The following IQGAP2 variants were observed in gnomAD, a reference collection of about 807,000 sequenced individuals.
The protein encoded by IQGAP2 is ras GTPase-activating-like protein IQGAP2.
A neutral mutation model predicts 201.3 loss-of-function variants in IQGAP2; 173 were observed. That is an observed-to-expected ratio of 0.86 (90% CI 0.76 to 0.98). The LOEUF (loss-of-function observed/expected upper bound fraction) is 0.98. Ranked by LOEUF, IQGAP2 falls within the 50% of genes least tolerant of loss-of-function variation. IQGAP2 has a pLI of 0.00. For missense variants in IQGAP2, 1,687 were observed against 1,864.8 expected, an observed-to-expected ratio of 0.90 and a Z score of 1.76; for synonymous variants, 675 against 673.9, an observed-to-expected ratio of 1.00 and a Z score of -0.03.
chr5:76,515,397 A>T (rs945187000), intron 2 of IQGAP2, among the ~76,000 whole-genome samples: 3 of 152,208 alleles, frequency 2.0e-5, no homozygotes, highest in African/African-American at 7.2e-5. Flanking sequence ...GCTTAATTCC[A>T]GTAAAAGATT....
chr5:76,450,000 C>T (rs964529877), intron 1 of IQGAP2, among the ~76,000 whole-genome samples: 1 of 152,138 alleles, frequency 6.6e-6, no homozygotes, highest in South Asian at 2.1e-4. Context: ...ACCTGAAAAC[C>T]TTCATGTCTG....
intron 21 of IQGAP2, among the ~76,000 whole-genome samples, chr5:76,661,712 A>G (rs1342350530): frequency 1.3e-5 from 2 of 152,062 alleles, no homozygotes; most frequent in Admixed American, 6.6e-5. Context: ...TATTACACTC[A>G]CTCTACAGAT....
At chr5:76,487,678 T>TA (rs879623431) in intron 2 of IQGAP2, among the ~76,000 whole-genome samples, 19 of 152,266 alleles carry the variant, frequency 1.2e-4, no homozygotes, top group Admixed American at 3.3e-4. Flanking sequence ...TGCTTTTTTT[T>TA]ATGCAGCGAG....
intron 3 of IQGAP2, among the ~76,000 whole-genome samples, chr5:76,570,076 T>C (rs1745007468): frequency 6.6e-6 from 1 of 152,356 alleles, no homozygotes; most frequent in African/African-American, 2.4e-5. Context: ...TGTGGGATGG[T>C]TTTTGTTTTC....
chr5:76,604,976 C>T (rs1461788321), intron 11 of IQGAP2, among the ~76,000 whole-genome samples: 2 of 152,116 alleles, frequency 1.3e-5, no homozygotes, highest in Non-Finnish European at 2.9e-5. Context: ...TTCTTTTAAC[C>T]TCTGCCATTA....
At chr5:76,429,148 C>T (rs1041452282) in intron 1 of IQGAP2, among the ~76,000 whole-genome samples, 13 of 151,718 alleles carry the variant, frequency 8.6e-5, no homozygotes, top group African/African-American at 2.9e-4. Flanking sequence ...TGATTCCTTC[C>T]ATTGAGAAGT....
At chr5:76,700,363 C>T (rs1369851847) in intron 33 of IQGAP2, among the ~76,000 whole-genome samples, 1 of 152,086 alleles carries the variant, frequency 6.6e-6, no homozygotes, top group African/African-American at 2.4e-5. Flanking sequence ...AAAAATTCGC[C>T]GGATGTGGTG....
At chr5:76,550,678 A>G (rs1212203706) in intron 2 of IQGAP2, among the ~76,000 whole-genome samples, 1 of 152,242 alleles carries the variant, frequency 6.6e-6, no homozygotes, top group East Asian at 1.9e-4. Flanking sequence ...GGGTAGGGTC[A>G]CCGATCAACA....
chr5:76,540,453 G>A (rs1199945927), intron 2 of IQGAP2, among the ~76,000 whole-genome samples: 2 of 152,144 alleles, frequency 1.3e-5, no homozygotes, highest in African/African-American at 4.8e-5. Context: ...CAGACCAGAG[G>A]TCAAAGGGCC....
Position 76,654,263 on chromosome 5 carries a change from A to C in IQGAP2, c.2242A>C (p.Arg748=). The change falls in exon 19 of 36, where the codon AGA becomes CGA. Residue 748 remains arginine, a synonymous_variant. Transcript: ENST00000274364. ...CTATCTTTCAAGACTACAGTATTTC[A>C]GAGATCATGTAAGAAAAATGCCTGT... is the stretch of plus-strand genomic sequence containing the variant. ...KSYLSRLQYF[R]DHNNEIVKIQ... The C allele has an allele frequency of 6.2e-7, 1 of 1,605,278 alleles. No individual in the cohort carries two copies. Among genetic ancestry groups the C allele is most frequent in the Non-Finnish European group, 8.5e-7 (1 of 1,174,044 alleles).
rs1252714282 is a variant in IQGAP2, at chr5:76,683,205, G to A, written c.3751G>A (p.Glu1251Lys). 5 of 1,610,470 alleles carry A rather than the reference G, an allele frequency of 3.1e-6. No homozygotes were observed. The highest frequency in any genetic ancestry group is 1.7e-5 in the Admixed American group (1 of 59,520). ...LGSLGEVPTVESFLGEGAVDP... is the reference protein window; with the variant it reads ...LGSLGEVPTVKSFLGEGAVDP... ...GTCGCTGGGAGAGGTGCCAACCGTG[G>A]AATCTTTTCTTGGTAAGAGCTTGTT... The change falls in exon 29 of 36, where the codon GAA becomes AAA. Residue 1251 changes from glutamate (E) to lysine (K), a missense_variant. Glu to Lys is a moderately conservative substitution (Grantham distance 56). Coordinates refer to ENST00000274364, the MANE Select transcript of IQGAP2 (RefSeq NM_006633.5).
intron 2 of IQGAP2, among the ~76,000 whole-genome samples, chr5:76,521,639 A>G (rs1430008999): frequency 6.6e-6 from 1 of 152,204 alleles, no homozygotes; most frequent in Non-Finnish European, 1.5e-5. Flanking sequence ...GCTCTTAGGA[A>G]CCAGAGACCA....
intron 11 of IQGAP2, among the ~76,000 whole-genome samples, chr5:76,605,042 C>T (rs1230174870): frequency 6.6e-6 from 1 of 152,106 alleles, no homozygotes; most frequent in East Asian, 1.9e-4. Flanking sequence ...ATTATGTACA[C>T]AGAAGATTGT....
intron 1 of IQGAP2, among the ~76,000 whole-genome samples, chr5:76,417,450 G>A (rs946534863): frequency 6.6e-6 from 1 of 151,946 alleles, no homozygotes; most frequent in African/African-American, 2.4e-5. Flanking sequence ...CTACCATGCT[G>A]AGTTTTATAT....
chr5:76,637,094 A>G lies in IQGAP2; in HGVS notation c.1841A>G (p.Asn614Ser). Residue 614 changes from asparagine to serine, a missense_variant, in exon 16 of 36, where the codon AAC becomes AGC. Physicochemically the swap from Asn to Ser is conservative, Grantham distance 46 (BLOSUM62 1). Transcript: ENST00000274364. The part of the protein sequence containing the change: ...NLHKKYDYYY[N>S]TDSKESSWVT... ...CACAAAAAATATGACTACTATTACAACACTGATTCAAAAGAGAGTTCCTGG... is the reference window on the plus strand; with the variant it reads ...CACAAAAAATATGACTACTATTACAGCACTGATTCAAAAGAGAGTTCCTGG... 2 of 1,611,638 alleles carry G rather than the reference A, an allele frequency of 1.2e-6. No homozygotes were observed. The highest frequency in any genetic ancestry group is 2.2e-5 in the East Asian group (1 of 44,818).
intron 2 of IQGAP2, among the ~76,000 whole-genome samples, chr5:76,467,024 G>A (rs1754818530): frequency 6.6e-6 from 1 of 152,238 alleles, no homozygotes; most frequent in Non-Finnish European, 1.5e-5. Flanking sequence ...GCTAAGGCCA[G>A]CAGATCGCTT....
intron 14 of IQGAP2, among the ~76,000 whole-genome samples, chr5:76,629,035 G>A (rs930168442): frequency 6.6e-6 from 1 of 151,984 alleles, no homozygotes; most frequent in African/African-American, 2.4e-5. Flanking sequence ...CTTACATTCG[G>A]CCTGCAAATG....
At chr5:76,546,725 T>C (rs1436080749) in intron 2 of IQGAP2, among the ~76,000 whole-genome samples, 1 of 152,216 alleles carries the variant, frequency 6.6e-6, no homozygotes, top group African/African-American at 2.4e-5. Context: ...GCCTTGGTCT[T>C]GCCGCTTGCA....
At chr5:76,565,696 T>C (rs1400958496) in intron 3 of IQGAP2, among the ~76,000 whole-genome samples, 2 of 152,208 alleles carry the variant, frequency 1.3e-5, no homozygotes, top group Non-Finnish European at 2.9e-5. Context: ...GGGGAATAGC[T>C]GTTGGATGAA....
Sources: gnomAD v4.1 joint callset for allele counts (sites outside exome capture counted in the v4.1 genomes callset) on GRCh38, gnomAD v4.1.1 for gene constraint, MANE v1.5 for transcripts, NCBI Gene and HGNC (gene_info 2026-07-23, HGNC 2026-07-21) for gene names.